TTC7B: variants seen among roughly 807,000 people sequenced by gnomAD.
TTC7B encodes tetratricopeptide repeat domain 7B.
In TTC7B, 28 loss-of-function variants were observed where a neutral mutation model predicts 106.8. The observed-to-expected ratio is 0.26, with a 90% CI of 0.19 to 0.36. The LOEUF is 0.36. Among genes scored for constraint, TTC7B ranks in the 10% least tolerant of loss-of-function variants. TTC7B has a pLI of 1.00. For synonymous variants in TTC7B, 405 were observed against 430.6 expected, an observed-to-expected ratio of 0.94 and a Z score of 0.74; for missense variants, 862 against 1,076.4, an observed-to-expected ratio of 0.80 and a Z score of 2.79.
At chr14:90,793,341 T>C (rs1226911098) in intron 1 of TTC7B, among the ~76,000 whole-genome samples, 1 of 151,922 alleles carries the variant, frequency 6.6e-6, no homozygotes, top group Non-Finnish European at 1.5e-5. Flanking sequence ...TTGGCCAACA[T>C]GGCAAAACCC....
In TTC7B at chr14:90,714,474, T is replaced by A. The variant is rs1016524141; in HGVS notation, c.698+15601A>T. 5.4e-5 allele frequency among the ~76,000 whole-genome samples: 8 copies of A among 148,046 alleles called. 1 individual carries two copies. In the East Asian group the frequency reaches 1.4e-3, roughly 25 times the overall value. On this transcript the variant is annotated intron_variant, in intron 5 of 19. Transcript: ENST00000328459. ...CTGTATAAATTTTTTTTTTTTTTTT[T>A]AGAGATAGTCTCACTCTTGTCGCTC... is the stretch of plus-strand genomic sequence containing the variant.
intron 17 of TTC7B, among the ~76,000 whole-genome samples, chr14:90,607,454 C>T (rs1283056851): frequency 6.6e-6 from 1 of 152,212 alleles, no homozygotes; most frequent in Non-Finnish European, 1.5e-5. Flanking sequence ...CTGCCACCCG[C>T]CAGGGCTGGG....
chr14:90,780,470 A>AAAAGAAAGAAAGAAAGAAAGAAAGAAAG lies in TTC7B; in HGVS notation c.445+267_445+268insCTTTCTTTCTTTCTTTCTTTCTTTCTTT, dbSNP rs34296215. Among the ~76,000 whole-genome samples the AAAAGAAAGAAAGAAAGAAAGAAAGAAAG allele has an allele frequency of 3.1e-3, 451 of 146,440 alleles. 6 individuals are homozygous for AAAAGAAAGAAAGAAAGAAAGAAAGAAAG. Among genetic ancestry groups the AAAAGAAAGAAAGAAAGAAAGAAAGAAAG allele is most frequent in the African/African-American group, 4.9e-3 (188 of 38,024 alleles). ...AGGAAAGAAAAGAAAGAAAGAAAGA[A>AAAAGAAAGAAAGAAAGAAAGAAAGAAAG]AAAGAAAGAAAGAAAGAAAGGAAAG... On this transcript the variant is annotated intron_variant, in intron 3 of 19. Coordinates refer to ENST00000328459, the MANE Select transcript of TTC7B (RefSeq NM_001010854.2).
chr14:90,632,878 G>A (rs187578578), intron 15 of TTC7B, among the ~76,000 whole-genome samples: 222 of 152,326 alleles, frequency 1.5e-3, no homozygotes, highest in Non-Finnish European at 2.0e-3. Flanking sequence ...TATTAAGAGT[G>A]CCTGTCACAA....
Position 90,689,722 on chromosome 14 carries a change from T to C in TTC7B, c.778-10A>G, listed in dbSNP as rs1184047618. 3 of 1,613,092 alleles carry C rather than the reference T, an allele frequency of 1.9e-6. No homozygotes were observed. The highest frequency in any genetic ancestry group is 4.5e-5 in the East Asian group (2 of 44,882). On this transcript the variant is annotated splice_polypyrimidine_tract_variant and intron_variant, in intron 6 of 19. Transcript: ENST00000328459. ...GCTGCCTGGCTATTGTCTGGGAACA[T>C]AAACGAGGAAAAGCATAGCCATGAA...
At chr14:90,544,881 G>A (rs1219950631) in intron 19 of TTC7B, among the ~76,000 whole-genome samples, 1 of 152,212 alleles carries the variant, frequency 6.6e-6, no homozygotes, top group Admixed American at 6.5e-5. Context: ...CTGGCAAATA[G>A]GTGATGAGCA....
At chr14:90,692,036 G>T (rs182380889) in intron 6 of TTC7B, among the ~76,000 whole-genome samples, 1 of 152,286 alleles carries the variant, frequency 6.6e-6, no homozygotes, top group East Asian at 1.9e-4. Context: ...CATCGTGTAT[G>T]TATCAGTACT....
chr14:90,767,028 CA>C (rs71301958), intron 3 of TTC7B: 116,601 of 497,706 alleles, frequency 0.23, 163 homozygotes, highest in Non-Finnish European at 0.25. Flanking sequence ...GTTTATATAC[CA>C]AAAAAAAAAA....
Position 90,608,837 on chromosome 14 carries a change from T to C in TTC7B, c.1966+1905A>G, listed in dbSNP as rs1378463733. ...CTCAATGTGATGTGGCTTTAAAGTC[T>C]TGGGACCTCCAGGGAAATTAAGGTC... On this transcript the variant is annotated intron_variant, in intron 17 of 19. Transcript: ENST00000328459. This position sits in a 1 kb window ranked among gnomAD's most constrained non-coding sequence, Gnocchi z 5.1. Among the ~76,000 whole-genome samples the C allele has an allele frequency of 6.6e-6, 1 of 152,324 alleles. No individual in the cohort carries two copies. Among genetic ancestry groups the C allele is most frequent in the East Asian group, 1.9e-4 (1 of 5,188 alleles).
At chr14:90,548,923 C>T (rs972766540) in intron 19 of TTC7B, among the ~76,000 whole-genome samples, 2 of 151,946 alleles carry the variant, frequency 1.3e-5, no homozygotes, top group African/African-American at 2.4e-5. Flanking sequence ...GTCAGGAGAT[C>T]GAGACCATCC....
rs1189703228 is a variant in TTC7B at position 90,608,976 on chromosome 14, T to C, written c.1966+1766A>G. ...GGGTAGCCACAGCAGCTGTTTTGAA[T>C]CAGCTGAAATTGCTGCTGGTGCTAT... On this transcript the variant is annotated intron_variant, in intron 17 of 19. Transcript: ENST00000328459. The surrounding 1 kb of genome is among the most constrained non-coding windows in gnomAD (Gnocchi z 5.1). Among the ~76,000 whole-genome samples the C allele has an allele frequency of 6.6e-6, 1 of 152,172 alleles. No homozygotes were observed. Among genetic ancestry groups the C allele is most frequent in the Admixed American group, 6.5e-5 (1 of 15,278 alleles).
In TTC7B at chr14:90,647,017, G is replaced by C; in HGVS notation, c.1524C>G (p.His508Gln). The C allele has an allele frequency of 6.2e-7, 1 of 1,614,164 alleles. No homozygotes were observed. ...RKALLAFQRAHSLSPTDHQAA... is the reference protein window; with the variant it reads ...RKALLAFQRAQSLSPTDHQAA... The stretch of plus-strand genomic sequence containing the variant: ...CTTGGTGATCTGTGGGTGACAGGCT[G>C]TGGGCCCTGAAAAAGTATTTACGGC... Residue 508 changes from histidine (H) to glutamine (Q), a missense_variant, in exon 14 of 20, where the codon CAC becomes CAG. His to Gln is a conservative substitution (Grantham distance 24). Coordinates refer to ENST00000328459, the MANE Select transcript of TTC7B (RefSeq NM_001010854.2).
intron 5 of TTC7B, among the ~76,000 whole-genome samples, chr14:90,708,145 C>CAAAAAAAAA (rs56260414): frequency 1.6e-5 from 1 of 61,308 alleles, no homozygotes; most frequent in Non-Finnish European, 3.0e-5. Context: ...GACTCCATCT[C>CAAAAAAAAA]AAAAAAAAAA....
chr14:90,660,551 G>A (rs1018999471), intron 9 of TTC7B, among the ~76,000 whole-genome samples: 1 of 152,176 alleles, frequency 6.6e-6, no homozygotes, highest in Non-Finnish European at 1.5e-5. Context: ...GTGCAACCAC[G>A]CAGTGGAGCC....
intron 1 of TTC7B, among the ~76,000 whole-genome samples, chr14:90,794,734 C>T (rs1445875026): frequency 6.6e-6 from 1 of 152,106 alleles, no homozygotes; most frequent in Non-Finnish European, 1.5e-5. Context: ...AAAGTCCAGG[C>T]GCTAAGTTAA....
Position 90,816,373 on chromosome 14 carries a change from C to T in TTC7B, c.-78G>A. 1 of 828,002 alleles carries T rather than the reference C, an allele frequency of 1.2e-6. No individual in the cohort carries two copies. Among genetic ancestry groups the T allele is most frequent in the Non-Finnish European group, 1.5e-6 (1 of 689,458 alleles). The allele number at this position is 828,002 out of a possible 1,614,324, so 51.3% of individuals were successfully genotyped here. ...GCGGCGCCCCCTCGCCGCCTCCCGC[C>T]GCCGCCGCGGGCTCGGGCTCCGGCT... On this transcript the variant is annotated 5_prime_UTR_variant, in exon 1 of 20. Transcript: ENST00000328459.
At chr14:90,765,542 C>A (rs563040892) in intron 3 of TTC7B, among the ~76,000 whole-genome samples, 1 of 152,210 alleles carries the variant, frequency 6.6e-6, no homozygotes, top group Admixed American at 6.5e-5. Context: ...CTATGAAGCA[C>A]CAGGAATCTA....
At chr14:90,636,309 T>A (rs1884939373) in intron 15 of TTC7B, among the ~76,000 whole-genome samples, 2 of 151,490 alleles carry the variant, frequency 1.3e-5, no homozygotes, top group South Asian at 2.1e-4. Flanking sequence ...ATGCCTTGTA[T>A]CTTACAACAT....
At chr14:90,573,505 C>T (rs1365568066) in intron 19 of TTC7B, among the ~76,000 whole-genome samples, 1 of 126,954 alleles carries the variant, frequency 7.9e-6, no homozygotes, top group Non-Finnish European at 1.7e-5. Context: ...TCTCAGCTCA[C>T]GGTCCCTCTC....
Sources: gnomAD v4.1 joint callset for allele counts (sites outside exome capture counted in the v4.1 genomes callset) on GRCh38, gnomAD v4.1.1 for gene constraint, Gnocchi (gnomAD v3.1) non-coding constraint, MANE v1.5 for transcripts, NCBI Gene and HGNC (gene_info 2026-07-23, HGNC 2026-07-21) for gene names.